Variants in FAM171B observed in about 807,000 individuals in gnomAD.
FAM171B encodes the protein family with sequence similarity 171 member B.
FAM171B carries 19 observed loss-of-function variants against 75.6 expected under a neutral mutation model. That is an observed-to-expected ratio of 0.25 (90% CI 0.18 to 0.37). The LOEUF (loss-of-function observed/expected upper bound fraction) is 0.37, where lower values mean the gene tolerates loss of function less well. FAM171B is among the 10% of genes least tolerant of loss of function. The pLI is 1.00. For missense variants in FAM171B, 848 were observed against 982.4 expected (o/e 0.86, Z 1.83); for synonymous variants, 367 against 361.7 (o/e 1.01, Z -0.17).
chr2:186,747,533 G>A (rs1329764779), intron 4 of FAM171B, among the ~76,000 whole-genome samples: 1 of 151,878 alleles, frequency 6.6e-6, no homozygotes, highest in Non-Finnish European at 1.5e-5. Flanking sequence ...AGCAGGTAAG[G>A]TATAGAAAAT....
intron 1 of FAM171B, among the ~76,000 whole-genome samples, chr2:186,702,862 A>G (rs1689682742): frequency 6.6e-6 from 1 of 152,096 alleles, no homozygotes; most frequent in Non-Finnish European, 1.5e-5. Context: ...AAGATTTAAA[A>G]TTAATTTCAT....
In FAM171B at chr2:186,752,444, T is replaced by C. The variant is rs76473428; in HGVS notation, c.895+1140T>C. On this transcript the variant is annotated intron_variant, in intron 5 of 7. Transcript: ENST00000304698. The stretch of plus-strand genomic sequence containing the variant: ...TGGAAACTATATAACCACGGTAGTA[T>C]GCTACTGAAATCATTAGATTAAGAA... Among the ~76,000 whole-genome samples, 205 of 152,302 alleles carry C rather than the reference T, an allele frequency of 1.3e-3. 1 individual carries two copies. The highest frequency in any genetic ancestry group is 4.5e-3 in the African/African-American group (188 of 41,560).
At chr2:186,746,529 G>C (rs375977278) in intron 3 of FAM171B, among the ~76,000 whole-genome samples, 7 of 152,136 alleles carry the variant, frequency 4.6e-5, no homozygotes, top group African/African-American at 1.7e-4. Flanking sequence ...TTGAAAACTG[G>C]TTCTCTATTA....
intron 1 of FAM171B, 71 bp downstream of exon 1, chr2:186,694,482 C>T (rs1689550354): frequency 2.6e-6 from 4 of 1,519,366 alleles, no homozygotes; most frequent in Non-Finnish European, 3.6e-6. Context: ...CCGGCTTCCT[C>T]GCCCCTTCCC....
intron 1 of FAM171B, among the ~76,000 whole-genome samples, chr2:186,734,023 A>G (rs1690161178): frequency 6.6e-6 from 1 of 152,144 alleles, no homozygotes; most frequent in Admixed American, 6.5e-5. Flanking sequence ...CCACCATTCA[A>G]TGGGGACTGA....
At chr2:186,706,070 A>T (rs906335375) in intron 1 of FAM171B, among the ~76,000 whole-genome samples, 4 of 152,160 alleles carry the variant, frequency 2.6e-5, no homozygotes, top group Non-Finnish European at 5.9e-5. Context: ...TAATCTTAAT[A>T]TGGGCTCTGA....
chr2:186,717,641 C>G (rs1314677397), intron 1 of FAM171B, among the ~76,000 whole-genome samples: 1 of 152,110 alleles, frequency 6.6e-6, no homozygotes, highest in African/African-American at 2.4e-5. Context: ...CAGCTGCTAC[C>G]TTAGGCCTCA....
chr2:186,755,194 C>T (rs1574113509), intron 6 of FAM171B, among the ~76,000 whole-genome samples: 3 of 152,028 alleles, frequency 2.0e-5, no homozygotes, highest in African/African-American at 7.2e-5. Flanking sequence ...TAGTCTAGAC[C>T]GGTTGCACTG....
In FAM171B at chr2:186,751,295, A is replaced by G. The variant is rs148611836; in HGVS notation, c.886A>G (p.Met296Val). The part of the protein sequence containing the change: ...GDRIPAWTFD[M>V]NTGAWVNHGR... Reference sequence around the variant, plus strand: ...TCGCATACCTGCTTGGACATTTGATATGAACACAGGTATGTGAGCTAGGTT... The same window carrying G: ...TCGCATACCTGCTTGGACATTTGATGTGAACACAGGTATGTGAGCTAGGTT... Residue 296 changes from methionine (M) to valine (V), a missense_variant, in exon 5 of 8, where the codon ATG becomes GTG. Transcript: ENST00000304698. The G allele has an allele frequency of 3.0e-5, 48 of 1,591,462 alleles. No individual in the cohort carries two copies. In the Middle Eastern group the frequency reaches 6.7e-4, roughly 22 times the overall value.
chr2:186,742,985 A>G (rs775218181), intron 2 of FAM171B, among the ~76,000 whole-genome samples: 1 of 152,202 alleles, frequency 6.6e-6, no homozygotes, highest in Non-Finnish European at 1.5e-5. Flanking sequence ...CTTCTCTGCC[A>G]ACTCAGGATC....
At chr2:186,708,783 A>AAACC (rs1177852013) in intron 1 of FAM171B, among the ~76,000 whole-genome samples, 4 of 152,220 alleles carry the variant, frequency 2.6e-5, no homozygotes, top group African/African-American at 4.8e-5. Context: ...GAATGGACAA[A>AAACC]AACCAACCAA....
At chr2:186,715,382 T>C (rs1184932282) in intron 1 of FAM171B, among the ~76,000 whole-genome samples, 2 of 152,144 alleles carry the variant, frequency 1.3e-5, no homozygotes, top group Non-Finnish European at 2.9e-5. Context: ...TTTAAATTTT[T>C]TGTAGAGACA....
chr2:186,706,313 A>G (rs910197340), intron 1 of FAM171B, among the ~76,000 whole-genome samples: 4 of 152,222 alleles, frequency 2.6e-5, no homozygotes, highest in Admixed American at 2.6e-4. Context: ...TGCTATTTTT[A>G]TCACCAATGC....
chr2:186,743,900 A>G (rs1359925439), intron 3 of FAM171B, among the ~76,000 whole-genome samples: 1 of 152,120 alleles, frequency 6.6e-6, no homozygotes, highest in Non-Finnish European at 1.5e-5. Context: ...CAGGACACAT[A>G]TTGCTCAGGC....
At chr2:186,708,514 A>G (rs994334306) in intron 1 of FAM171B, among the ~76,000 whole-genome samples, 1 of 152,236 alleles carries the variant, frequency 6.6e-6, no homozygotes, top group African/African-American at 2.4e-5. Flanking sequence ...TGTGATAAGT[A>G]TATTTGAGGT....
rs759237706 is a variant in FAM171B at position 186,761,678 on chromosome 2, G to GAAA, written c.1337_1339dup (p.Glu446_Thr447insLys). On this transcript the variant is annotated inframe_insertion, in exon 8 of 8. Transcript: ENST00000304698. The stretch of plus-strand genomic sequence containing the variant: ...TCAGAAAAAGGAACCATCAAAGGCA[G>GAAA]AAACAGAAGAAAGAGTTTCCATGGT... 31 of 1,612,156 alleles carry GAAA rather than the reference G, an allele frequency of 1.9e-5. No homozygotes were observed. The highest frequency in any genetic ancestry group is 1.1e-4 in the East Asian group (5 of 44,868).
chr2:186,749,361 G>A (rs915191930), intron 4 of FAM171B, among the ~76,000 whole-genome samples: 1 of 152,148 alleles, frequency 6.6e-6, no homozygotes, highest in African/African-American at 2.4e-5. Flanking sequence ...ACTGCACGGA[G>A]CTGAGGGGTG....
At chr2:186,752,048 T>C (rs1305380419) in intron 5 of FAM171B, among the ~76,000 whole-genome samples, 1 of 152,176 alleles carries the variant, frequency 6.6e-6, no homozygotes, top group African/African-American at 2.4e-5. Context: ...GGGATTTCCC[T>C]TCAGACTGAC....
chr2:186,700,795 G>A (rs1689648729), intron 1 of FAM171B, among the ~76,000 whole-genome samples: 2 of 152,084 alleles, frequency 1.3e-5, no homozygotes, highest in Non-Finnish European at 2.9e-5. Flanking sequence ...GGTGAAAAAT[G>A]TTTTTGTTCC....
Sources: allele counts gnomAD v4.1 joint callset (sites outside exome capture counted in the v4.1 genomes callset), GRCh38; gene constraint gnomAD v4.1.1; transcripts MANE v1.5; gene names NCBI Gene and HGNC (gene_info 2026-07-23, HGNC 2026-07-21).